NAV3: variants seen among roughly 807,000 people sequenced by gnomAD.
NAV3 encodes the protein neuron navigator 3.
Under a neutral mutation model 244.7 loss-of-function variants are expected in NAV3, and 87 were observed. The ratio of observed to expected loss-of-function variants is 0.36; its 90% CI spans 0.30 to 0.42. NAV3 has a LOEUF of 0.42. Among genes scored for constraint, NAV3 ranks in the 20% least tolerant of loss-of-function variants. The probability of loss-of-function intolerance (pLI) is 1.00; values close to 1 mark genes in which losing one functional copy is unlikely to be tolerated. For synonymous variants in NAV3, 1,126 were observed against 1,042.2 expected, an observed-to-expected ratio of 1.08 and a Z score of -1.55; for missense variants, 2,663 against 2,893.3, an observed-to-expected ratio of 0.92 and a Z score of 1.83.
chr12:78,209,948 T>C (rs1294778713), intron 39 of NAV3, among the ~76,000 whole-genome samples: 16 of 152,184 alleles, frequency 1.1e-4, no homozygotes, highest in Admixed American at 1.0e-3. Flanking sequence ...TTCCTCTCCA[T>C]ACCCTCCTTC....
chr12:77,721,539 A>G (rs972715617), intron 2 of NAV3, among the ~76,000 whole-genome samples: 9 of 152,194 alleles, frequency 5.9e-5, no homozygotes, highest in African/African-American at 2.2e-4. Flanking sequence ...TTACACTTAA[A>G]TTAGTTCTAG....
chr12:78,158,788 G>T (rs1458096288), intron 22 of NAV3, among the ~76,000 whole-genome samples: 1 of 152,140 alleles, frequency 6.6e-6, no homozygotes, highest in Non-Finnish European at 1.5e-5. Context: ...AGGTCATCAT[G>T]AAAGTATAAA....
chr12:78,118,049 G>A lies in NAV3; in HGVS notation c.2792G>A (p.Arg931His), dbSNP rs377644039. Residue 931 changes from arginine to histidine, a missense_variant, in exon 14 of 40, where the codon CGC becomes CAC. Coordinates refer to ENST00000397909, the MANE Select transcript of NAV3 (RefSeq NM_001024383.2). ...NTQLRTDSEK[R>H]STTDETWDSP... is the part of the protein sequence containing the mutation. ...TAGCTGAGGACAGATTCAGAGAAAC[G>A]CTCCACCACAGACGAGACCTGGGAT... 1.2e-6 allele frequency: 2 copies of A among 1,609,444 alleles called. No homozygotes were observed. The highest frequency in any genetic ancestry group is 2.7e-5 in the African/African-American group (2 of 74,540).
At chr12:78,004,465 C>T (rs962717053) in intron 7 of NAV3, among the ~76,000 whole-genome samples, 1 of 152,062 alleles carries the variant, frequency 6.6e-6, no homozygotes, top group Admixed American at 6.5e-5. Flanking sequence ...TTTTGGAATG[C>T]CTTTAAATAT....
chr12:77,961,052 A>C (rs1447856301), intron 3 of NAV3, among the ~76,000 whole-genome samples: 1 of 132,170 alleles, frequency 7.6e-6, no homozygotes, highest in East Asian at 2.3e-4. Flanking sequence ...ATATATGTAT[A>C]TGTTGCATGT....
intron 1 of NAV3, among the ~76,000 whole-genome samples, chr12:77,874,980 A>G (rs914527287): frequency 2.0e-5 from 3 of 152,300 alleles, no homozygotes; most frequent in Non-Finnish European, 4.4e-5. Context: ...ATTTCATTGT[A>G]GGAAGAATGC....
intron 2 of NAV3, among the ~76,000 whole-genome samples, chr12:77,657,949 G>C (rs1264495101): frequency 1.3e-5 from 2 of 152,080 alleles, no homozygotes; most frequent in Non-Finnish European, 2.9e-5. Context: ...GTATTGATGG[G>C]ATGTATCTCA....
intron 2 of NAV3, among the ~76,000 whole-genome samples, chr12:77,725,629 G>T (rs1357649559): frequency 6.6e-6 from 1 of 150,444 alleles, no homozygotes; most frequent in African/African-American, 2.4e-5. Flanking sequence ...TCAAAATTTG[G>T]AAAGGAAAAA....
rs768821524 is a variant in NAV3, at chr12:78,188,620, C to T, written c.5898C>T (p.Phe1966=). 6.2e-7 allele frequency: 1 copy of T among 1,610,388 alleles called. No homozygotes were observed. Among genetic ancestry groups the T allele is most frequent in the Non-Finnish European group, 8.5e-7 (1 of 1,178,294 alleles). The change falls in exon 33 of 40, where the codon TTC becomes TTT. Residue 1966 remains phenylalanine, a synonymous_variant. Transcript: ENST00000397909. ...VIRRLFKEYV[F]RIDTSTSLGL... is the part of the protein sequence containing the mutation. ...GTGTACCATTGTAGGAATATGTATT[C>T]CGAATTGATACATCCACTAGCCTTG...
intron 2 of NAV3, among the ~76,000 whole-genome samples, chr12:77,687,337 G>A (rs1874802208): frequency 6.6e-6 from 1 of 152,006 alleles, no homozygotes; most frequent in Admixed American, 6.6e-5. Flanking sequence ...ATGTGTGCAT[G>A]TATAAGAATG....
rs139201184 is a variant in NAV3, at chr12:78,211,741, GT to G, written c.*1231del. On this transcript the variant is annotated 3_prime_UTR_variant, in exon 40 of 40. Transcript: ENST00000397909. ...TCGGCTTTCCTTCCCTATTGTTTTT[GT>G]TTTTTTAATGAGTTTTGACGCATGT... The G allele has an allele frequency of 1.3e-5, 2 of 152,044 alleles. No individual in the cohort carries two copies. Among genetic ancestry groups the G allele is most frequent in the African/African-American group, 4.8e-5 (2 of 41,338 alleles). The allele number at this position is 152,044 out of a possible 1,614,324, so 9.4% of individuals were successfully genotyped here.
chr12:77,864,897 T>C (rs1879782981), intron 1 of NAV3, among the ~76,000 whole-genome samples: 1 of 151,958 alleles, frequency 6.6e-6, no homozygotes, highest in South Asian at 2.1e-4. Context: ...AAGTTAATAG[T>C]CAGTAAATAC....
At chr12:78,160,335 T>G (rs1397919043) in intron 23 of NAV3, among the ~76,000 whole-genome samples, 3 of 150,962 alleles carry the variant, frequency 2.0e-5, no homozygotes, top group African/African-American at 7.3e-5. Context: ...TTAACTTCCT[T>G]GGATAGGTAT....
intron 20 of NAV3, 32 bp downstream of exon 20, chr12:78,140,366 CT>C: frequency 6.4e-7 from 1 of 1,561,912 alleles, no homozygotes; most frequent in Non-Finnish European, 8.8e-7. Context: ...AAAGCTTGTG[CT>C]TTTGCCATGC....
At chr12:77,893,897 G>A (rs1884255348) in intron 1 of NAV3, among the ~76,000 whole-genome samples, 1 of 152,102 alleles carries the variant, frequency 6.6e-6, no homozygotes, top group African/African-American at 2.4e-5. Context: ...CTCCTCTATC[G>A]AGTTACACTA....
chr12:78,161,857 CA>C (rs1284847180), intron 23 of NAV3, among the ~76,000 whole-genome samples: 2 of 151,950 alleles, frequency 1.3e-5, no homozygotes, highest in Non-Finnish European at 2.9e-5. Context: ...TGGTATAATT[CA>C]AAGACAGAAT....
intron 2 of NAV3, among the ~76,000 whole-genome samples, chr12:77,617,775 C>T (rs1049119359): frequency 6.6e-6 from 1 of 152,164 alleles, no homozygotes; most frequent in Non-Finnish European, 1.5e-5. Context: ...TTGTTCAGCT[C>T]CTAGTGGGTT....
intron 24 of NAV3, among the ~76,000 whole-genome samples, chr12:78,170,057 G>A (rs768961233): frequency 6.6e-6 from 1 of 151,664 alleles, no homozygotes; most frequent in Non-Finnish European, 1.5e-5. Context: ...TACTCTAGCT[G>A]TAATTTTTAT....
intron 2 of NAV3, among the ~76,000 whole-genome samples, chr12:77,709,268 A>G (rs982872974): frequency 7.2e-5 from 11 of 152,104 alleles, no homozygotes; most frequent in African/African-American, 2.7e-4. Flanking sequence ...TATGCTAAAA[A>G]CTCTCAATAA....
Sources: gnomAD v4.1 joint callset for allele counts (sites outside exome capture counted in the v4.1 genomes callset) on GRCh38, gnomAD v4.1.1 for gene constraint, MANE v1.5 for transcripts, NCBI Gene and HGNC (gene_info 2026-07-23, HGNC 2026-07-21) for gene names.